The following CEP250 variants were observed in gnomAD, a reference collection of about 807,000 sequenced individuals.
CEP250 encodes centrosomal protein 250.
CEP250 carries 242 observed loss-of-function variants against 315.7 expected under a neutral mutation model. That is an observed-to-expected ratio of 0.77 (90% CI 0.69 to 0.85). The LOEUF (loss-of-function observed/expected upper bound fraction) is 0.85, where lower values mean the gene tolerates loss of function less well. CEP250 is among the 40% of genes least tolerant of loss of function. CEP250 has a pLI of 0.00. For synonymous variants in CEP250, 1,088 were observed against 1,175.0 expected (o/e 0.93, Z 1.51); for missense variants, 2,515 against 2,886.4 (o/e 0.87, Z 2.95).
At chr20:35,474,683 T>C in intron 14 of CEP250, 3 of 432,312 alleles carry the variant, frequency 6.9e-6, no homozygotes, top group Non-Finnish European at 1.4e-5. Context: ...TTCCCCTATA[T>C]GATGTCACAG....
chr20:35,487,979 A>G (rs1235003921), intron 20 of CEP250, among the ~76,000 whole-genome samples: 1 of 152,266 alleles, frequency 6.6e-6, no homozygotes, highest in Non-Finnish European at 1.5e-5. Flanking sequence ...ATGTTGAACC[A>G]AAACCTATTA....
chr20:35,498,110 A>G, intron 26 of CEP250, 43 bp downstream of exon 26: 1 of 1,417,278 alleles, frequency 7.1e-7, no homozygotes, highest in Non-Finnish European at 9.4e-7. Context: ...GGCCAAAGCC[A>G]GGCCTGGCTC....
Position 35,512,491 on chromosome 20 carries a change from T to A in CEP250, c.*865T>A, listed in dbSNP as rs1031415642. 1.3e-5 allele frequency: 2 copies of A among 152,226 alleles called. No individual in the cohort carries two copies. The highest frequency in any genetic ancestry group is 6.5e-5 in the Admixed American group (1 of 15,274). 9.4% of individuals were successfully genotyped at this position (152,226 alleles called of 1,614,324 possible). Reference sequence around the variant, plus strand: ...ACATGGCCTCATTCCTCTTCTACTCTGGGTGAATGTCCTTGAGATGTCGCT... The same window carrying A: ...ACATGGCCTCATTCCTCTTCTACTCAGGGTGAATGTCCTTGAGATGTCGCT... On this transcript the variant is annotated 3_prime_UTR_variant, in exon 35 of 35. Transcript: ENST00000397527.
At position 35,510,715 on chromosome 20, in the gene CEP250, G is replaced by C. The variant is rs1162717710; in HGVS notation, c.7066-648G>C. On this transcript the variant is annotated intron_variant, in intron 34 of 34. Coordinates refer to ENST00000397527, the MANE Select transcript of CEP250 (RefSeq NM_007186.6). The stretch of plus-strand genomic sequence containing the variant: ...TTTTCTATTTTATTAAAAAGTCAAA[G>C]CAGGTGCAGTAGCTCACACCTGAAA... Among the ~76,000 whole-genome samples, 3 of 152,160 alleles carry C rather than the reference G, an allele frequency of 2.0e-5. No individual in the cohort carries two copies. In the East Asian group the frequency reaches 5.8e-4, roughly 29 times the overall value.
At chr20:35,462,655 TG>T in intron 4 of CEP250, 102 bp downstream of exon 4, 2 of 979,762 alleles carry the variant, frequency 2.0e-6, no homozygotes, top group Non-Finnish European at 3.0e-6. Flanking sequence ...GTGGTGGGAG[TG>T]GCCTACATCT....
At chr20:35,471,972 T>G in intron 10 of CEP250, 78 bp from the exon 11 acceptor site, 1 of 839,376 alleles carries the variant, frequency 1.2e-6, no homozygotes, top group African/African-American at 1.7e-5. Context: ...GAATGAGACT[T>G]TGGTTGTTTG....
chr20:35,493,646 G>T, intron 23 of CEP250, 74 bp downstream of exon 23: 26 of 1,401,620 alleles, frequency 1.9e-5, no homozygotes, highest in Non-Finnish European at 2.5e-5. Context: ...CCTCTTGCAG[G>T]ACAGGGAGAA....
At position 35,500,196 on chromosome 20, in the gene CEP250, A is replaced by T. The variant is rs370668948; in HGVS notation, c.3898+27A>T. On this transcript the variant is annotated intron_variant, in intron 28 of 34. Coordinates refer to ENST00000397527, the MANE Select transcript of CEP250 (RefSeq NM_007186.6). ...TGAGAAGCTCAAGACAGGCAGGGAG[A>T]TTGAGAGGGAGAAGGGATAGGTGGG... 6.9e-4 allele frequency: 1,107 copies of T among 1,611,806 alleles called. 2 individuals carry two copies. The highest frequency in any genetic ancestry group is 3.5e-3 in the Admixed American group (213 of 60,002).
Position 35,507,759 on chromosome 20 carries a change from C to T in CEP250, c.6658C>T (p.Arg2220Trp), listed in dbSNP as rs199913444. The change falls in exon 31 of 35, where the codon CGG becomes TGG. Residue 2220 changes from arginine (R) to tryptophan (W), a missense_variant. Transcript: ENST00000397527. ...CTAGGATGAACTGGAGCTCACCAGA[C>T]GGGCTCTGGAGAAGGAGCGGCTACA... ...RLQDELELTR[R>W]ALEKERLHSP... 1.6e-5 allele frequency: 25 copies of T among 1,555,298 alleles called. No homozygotes were observed. The highest frequency in any genetic ancestry group is 6.8e-5 in the African/African-American group (5 of 73,112).
rs1479537693 is a variant in CEP250 at position 35,472,134 on chromosome 20, A to T, written c.1033A>T (p.Ile345Phe). Residue 345 changes from isoleucine (I) to phenylalanine (F), a missense_variant, in exon 11 of 35, where the codon ATC becomes TTC. Physicochemically the swap from Ile to Phe is conservative, Grantham distance 21. Transcript: ENST00000397527. ...QEEKLSLQQV[I>F]KDITQVMVEE... ...GGAGAAGTTGTCTTTACAGCAGGTG[A>T]TCAAGGATATAACCCAGGTACTGGG... 6.2e-7 allele frequency: 1 copy of T among 1,608,938 alleles called. No individual in the cohort carries two copies. The highest frequency in any genetic ancestry group is 8.5e-7 in the Non-Finnish European group (1 of 1,175,252).
chr20:35,474,114 C>T (rs913449243), intron 14 of CEP250, 62 bp downstream of exon 14: 63 of 1,319,828 alleles, frequency 4.8e-5, no homozygotes, highest in African/African-American at 4.7e-4. Context: ...ACACCCTCCC[C>T]GTCTACTCCC....
At chr20:35,483,258 T>G (rs2063404322) in intron 20 of CEP250, among the ~76,000 whole-genome samples, 1 of 151,318 alleles carries the variant, frequency 6.6e-6, no homozygotes, top group Non-Finnish European at 1.5e-5. Context: ...AGGTGGAGGT[T>G]GCGATGAGCT....
chr20:35,468,973 G>A (rs913932432), intron 9 of CEP250, among the ~76,000 whole-genome samples: 1 of 152,136 alleles, frequency 6.6e-6, no homozygotes. Context: ...ACCGTGGCTG[G>A]CCAGTGAATG....
chr20:35,517,142 C>CT lies in CEP250; in HGVS notation c.*5517dup, dbSNP rs897669107. The CT allele has an allele frequency of 1.8e-5, 8 of 443,478 alleles. No homozygotes were observed. The highest frequency in any genetic ancestry group is 1.8e-5 in the Non-Finnish European group (6 of 334,468). The allele number at this position is 443,478 out of a possible 1,614,324, so 27.5% of individuals were successfully genotyped here. ...TTCCAGCACCTTAGCTCCTGCCTCCCTCTGGACCTATTCAGTCCTCAAGGG... is the reference window on the plus strand; with the variant it reads ...TTCCAGCACCTTAGCTCCTGCCTCCCTTCTGGACCTATTCAGTCCTCAAGGG... On this transcript the variant is annotated 3_prime_UTR_variant, in exon 35 of 35. Coordinates refer to ENST00000397527, the MANE Select transcript of CEP250 (RefSeq NM_007186.6).
chr20:35,493,657 C>T, intron 23 of CEP250, 85 bp downstream of exon 23: 2 of 1,328,134 alleles, frequency 1.5e-6, no homozygotes, highest in Non-Finnish European at 2.0e-6. Context: ...ACAGGGAGAA[C>T]CTTGGCCCTG....
At chr20:35,487,622 A>C (rs556936514) in intron 20 of CEP250, among the ~76,000 whole-genome samples, 1 of 152,104 alleles carries the variant, frequency 6.6e-6, no homozygotes, top group African/African-American at 2.4e-5. Context: ...CACACAATAA[A>C]GGTGAATAAA....
In CEP250 at chr20:35,490,647, G is replaced by C; in HGVS notation, c.2597G>C (p.Arg866Pro). 1 of 1,612,834 alleles carries C rather than the reference G, an allele frequency of 6.2e-7. No homozygotes were observed. Among genetic ancestry groups the C allele is most frequent in the Non-Finnish European group, 8.5e-7 (1 of 1,179,764 alleles). The change falls in exon 21 of 35, where the codon CGC becomes CCC. Residue 866 changes from arginine to proline, a missense_variant. Physicochemically the swap from Arg to Pro is moderately radical, Grantham distance 103 (BLOSUM62 -2). Transcript: ENST00000397527. Reference sequence around the variant, plus strand: ...CCTTCATGTGGCCAGGAGAAGGAGCGCTCCTGGCACCAGCAGGAGCTGGCA... The same window carrying C: ...CCTTCATGTGGCCAGGAGAAGGAGCCCTCCTGGCACCAGCAGGAGCTGGCA... ...NQLREKWEKERSWHQQELAKA... is the reference protein window; with the variant it reads ...NQLREKWEKEPSWHQQELAKA...
chr20:35,511,820 A>T lies in CEP250; in HGVS notation c.*194A>T, dbSNP rs2064370818. On this transcript the variant is annotated 3_prime_UTR_variant, in exon 35 of 35. Coordinates refer to ENST00000397527, the MANE Select transcript of CEP250 (RefSeq NM_007186.6). ...CCCAACTCACCTGGGAATGAGGCAA[A>T]TTGCATTTGCTTGCTCCCTATGGAA... 7.1e-7 allele frequency: 1 copy of T among 1,408,004 alleles called. No homozygotes were observed. Among genetic ancestry groups the T allele is most frequent in the Non-Finnish European group, 9.2e-7 (1 of 1,085,302 alleles). The allele number at this position is 1,408,004 out of a possible 1,614,324, so 87.2% of individuals were successfully genotyped here.
At chr20:35,492,180 G>A (rs923867532) in intron 22 of CEP250, among the ~76,000 whole-genome samples, 3 of 152,106 alleles carry the variant, frequency 2.0e-5, no homozygotes, top group Admixed American at 1.3e-4. Flanking sequence ...AACCAGCTCC[G>A]TGATACAACA....
Sources: allele counts gnomAD v4.1 joint callset (sites outside exome capture counted in the v4.1 genomes callset), GRCh38; gene constraint gnomAD v4.1.1; transcripts MANE v1.5; gene names NCBI Gene and HGNC (gene_info 2026-07-23, HGNC 2026-07-21).